Variants in RANBP2 observed in about 807,000 individuals in gnomAD.
RANBP2 encodes RAN binding protein 2, also known as E3 SUMO-protein ligase RanBP2.
A neutral mutation model predicts 303.6 loss-of-function variants in RANBP2; 57 were observed. That is an observed-to-expected ratio of 0.19 (90% CI 0.15 to 0.23). RANBP2 has a LOEUF of 0.23. Among genes scored for constraint, RANBP2 ranks in the 10% least tolerant of loss-of-function variants. The pLI is 1.00. For missense variants in RANBP2, 3,138 were observed against 3,780.8 expected, an observed-to-expected ratio of 0.83 and a Z score of 4.46; for synonymous variants, 1,167 against 1,301.5, an observed-to-expected ratio of 0.90 and a Z score of 2.23.
chr2:108,786,964 C>A, downstream of RANBP2: 1 of 1,296,924 alleles, frequency 7.7e-7, no homozygotes, highest in South Asian at 1.7e-5. Flanking sequence ...TGCTGGGGGG[C>A]GGCCCGCTCC....
At chr2:109,148,265 G>C in the RANBP2 span, among the ~76,000 whole-genome samples, 429 of 152,322 alleles carry the variant, frequency 2.8e-3, 2 homozygotes, top group Admixed American at 5.4e-3. Context: ...GATGGGCCCC[G>C]ATCATGCCAC....
chr2:109,166,539 A>G, the RANBP2 span, among the ~76,000 whole-genome samples: 37 of 152,234 alleles, frequency 2.4e-4, no homozygotes, highest in Non-Finnish European at 5.0e-4. Context: ...TCTCTGCTCA[A>G]TGTCAGCCAT....
chr2:108,764,581 G>T lies in RANBP2; in HGVS notation c.4042G>T (p.Val1348Phe), dbSNP rs139246606. Reference protein sequence around the residue: ...DAGNLNFEFQVAKKEGSWWHC... With the variant: ...DAGNLNFEFQFAKKEGSWWHC... The stretch of plus-strand genomic sequence containing the variant: ...TGGAAACCTGAATTTTGAATTTCAG[G>T]TTGCAAAGAAAGAAGGGTCTTGGTG... The change falls in exon 20 of 29, where the codon GTT (valine) becomes TTT (phenylalanine). Residue 1348 changes from valine (V) to phenylalanine (F), a missense_variant. By Grantham distance (50) the Val-to-Phe change is conservative. Coordinates refer to ENST00000283195, the MANE Select transcript of RANBP2 (RefSeq NM_006267.5). 4 of 1,613,934 alleles carry T rather than the reference G, an allele frequency of 2.5e-6. No individual in the cohort carries two copies. The highest frequency in any genetic ancestry group is 2.2e-5 in the South Asian group (2 of 91,062).
the RANBP2 span, among the ~76,000 whole-genome samples, chr2:109,526,134 C>G: frequency 6.6e-6 from 1 of 152,100 alleles, no homozygotes; most frequent in Non-Finnish European, 1.5e-5. Context: ...TTCCTTATGT[C>G]TTTTCACAGA....
the RANBP2 span, chr2:109,732,712 C>T: frequency 5.1e-5 from 31 of 608,652 alleles, no homozygotes; most frequent in East Asian, 1.2e-3. Flanking sequence ...TCGTGATCCG[C>T]CCGCCTTGGT....
chr2:109,208,541 C>T, the RANBP2 span, among the ~76,000 whole-genome samples: 1 of 152,192 alleles, frequency 6.6e-6, no homozygotes, highest in Non-Finnish European at 1.5e-5. Context: ...GAAGTGGAGC[C>T]ACCAGCACCA....
the RANBP2 span, among the ~76,000 whole-genome samples, chr2:109,222,822 A>G: frequency 6.6e-6 from 1 of 152,264 alleles, no homozygotes; most frequent in Non-Finnish European, 1.5e-5. Context: ...GAAATAAAGC[A>G]CATTTTCCAG....
the RANBP2 span, among the ~76,000 whole-genome samples, chr2:109,587,027 CAAGA>C: frequency 6.6e-6 from 1 of 151,968 alleles, no homozygotes; most frequent in Admixed American, 6.6e-5. Context: ...GATTCACAGT[CAAGA>C]AAGAAAGTCA....
rs757493880 is a variant in RANBP2 at position 108,766,518 on chromosome 2, C to G, written c.5979C>G (p.Ser1993=). 3.1e-6 allele frequency: 5 copies of G among 1,611,894 alleles called. No individual in the cohort carries two copies. The highest frequency in any genetic ancestry group is 3.3e-5 in the Admixed American group (2 of 59,990). The stretch of plus-strand genomic sequence containing the variant: ...AAATGGCCAATAAAGCAAACACTTC[C>G]GGTGACTTTGAGAAAGATGATGATG... ...YGKMANKANT[S]GDFEKDDDAY... Residue 1993 remains serine, a synonymous_variant, in exon 20 of 29, where the codon TCC becomes TCG. Transcript: ENST00000283195.
the RANBP2 span, among the ~76,000 whole-genome samples, chr2:109,479,531 C>G: frequency 6.6e-6 from 1 of 151,936 alleles, no homozygotes. Flanking sequence ...CCTGGGGTGT[C>G]GGGATGTCCA....
At chr2:109,354,627 G>A in the RANBP2 span, among the ~76,000 whole-genome samples, 11 of 152,224 alleles carry the variant, frequency 7.2e-5, no homozygotes, top group African/African-American at 1.7e-4. Context: ...TGTGAGCTGC[G>A]ATATTTGCCA....
the RANBP2 span, chr2:109,565,721 CTAGA>C: frequency 2.7e-6 from 4 of 1,496,182 alleles, no homozygotes; most frequent in Admixed American, 3.3e-5. Context: ...TTTGAGATTA[CTAGA>C]TAGATACATA....
At chr2:109,047,328 A>C in the RANBP2 span, among the ~76,000 whole-genome samples, 1 of 152,186 alleles carries the variant, frequency 6.6e-6, no homozygotes, top group Non-Finnish European at 1.5e-5. Flanking sequence ...CTTTTGTTTC[A>C]TGTTAGCAGG....
the RANBP2 span, among the ~76,000 whole-genome samples, chr2:109,298,799 G>A: frequency 1.3e-5 from 2 of 152,116 alleles, no homozygotes; most frequent in African/African-American, 4.8e-5. Flanking sequence ...CTCTCCCCAG[G>A]ATGACAGAGC....
chr2:108,903,271 C>T, the RANBP2 span, among the ~76,000 whole-genome samples: 1 of 151,918 alleles, frequency 6.6e-6, no homozygotes, highest in East Asian at 1.9e-4. Context: ...ATATACCATG[C>T]CCATGGCTCA....
the RANBP2 span, among the ~76,000 whole-genome samples, chr2:109,008,890 T>G: frequency 4.6e-5 from 6 of 131,486 alleles, no homozygotes; most frequent in African/African-American, 1.4e-4. Flanking sequence ...CAGAGCAAGA[T>G]TCCATCTCAA....
chr2:109,545,383 A>G, the RANBP2 span: 2 of 1,522,066 alleles, frequency 1.3e-6, no homozygotes, highest in Non-Finnish European at 1.8e-6. Flanking sequence ...TTTAACACAT[A>G]CCCCAAACCT....
chr2:109,039,478 G>A, the RANBP2 span, among the ~76,000 whole-genome samples: 1 of 152,164 alleles, frequency 6.6e-6, no homozygotes, highest in African/African-American at 2.4e-5. Context: ...GGCCTCCCGA[G>A]TAGCTGGGAC....
the RANBP2 span, among the ~76,000 whole-genome samples, chr2:109,314,814 T>A: frequency 3.3e-5 from 5 of 152,378 alleles, no homozygotes; most frequent in East Asian, 9.6e-4. Context: ...TGGCATCATA[T>A]TTCTGTCTAG....
Sources: allele counts gnomAD v4.1 joint callset (sites outside exome capture counted in the v4.1 genomes callset), GRCh38; gene constraint gnomAD v4.1.1; transcripts MANE v1.5; gene names NCBI Gene and HGNC (gene_info 2026-07-23, HGNC 2026-07-21).